OR8G5: variants seen among roughly 807,000 people sequenced by gnomAD.
OR8G5 encodes olfactory receptor 8G5.
For synonymous variants in OR8G5, 147 were observed against 147.7 expected (o/e 1.00, Z 0.03); for missense variants, 347 against 371.9 (o/e 0.93, Z 0.55).
At chr11:124,258,639 G>A (rs1350374919) in intron 1 of OR8G5, among the ~76,000 whole-genome samples, 1 of 151,978 alleles carries the variant, frequency 6.6e-6, no homozygotes, top group Admixed American at 6.6e-5. Context: ...TAATATGATA[G>A]GCATAGAATA....
rs950026073 is a variant in OR8G5, at chr11:124,265,814, A to G, written c.883A>G (p.Lys295Glu). 3.1e-6 allele frequency: 5 copies of G among 1,613,942 alleles called. No individual in the cohort carries two copies. Among genetic ancestry groups the G allele is most frequent in the Non-Finnish European group, 4.2e-6 (5 of 1,179,914 alleles). Reference protein sequence around the residue: ...LNPLIYSLRNKDVHVALKKTL... With the variant: ...LNPLIYSLRNEDVHVALKKTL... ...CCCCCTGATCTACAGCCTGAGGAAT[A>G]AAGATGTCCACGTTGCCCTGAAGAA... Residue 295 changes from lysine (K) to glutamate (E), a missense_variant, in exon 2 of 2, where the codon AAA becomes GAA. By Grantham distance (56) the Lys-to-Glu change is moderately conservative. Coordinates refer to ENST00000641992, the MANE Select transcript of OR8G5 (RefSeq NM_001005198.2).
At chr11:124,264,496 A>G (rs1211459092) in intron 1 of OR8G5, among the ~76,000 whole-genome samples, 1 of 152,230 alleles carries the variant, frequency 6.6e-6, no homozygotes, top group African/African-American at 2.4e-5. Flanking sequence ...TCTGACAATA[A>G]TAAGATTTCT....
Position 124,266,040 on chromosome 11 carries a change from T to C in OR8G5, c.*173T>C. 2 of 803,432 alleles carry C rather than the reference T, an allele frequency of 2.5e-6. No homozygotes were observed. Among genetic ancestry groups the C allele is most frequent in the East Asian group, 2.8e-5 (1 of 36,036 alleles). 49.8% of individuals were successfully genotyped at this position (803,432 alleles called of 1,614,324 possible). A position where few individuals can be genotyped will look rare whatever the true frequency, so the allele number is the denominator to read the frequency against. On this transcript the variant is annotated 3_prime_UTR_variant, in exon 2 of 2. Coordinates refer to ENST00000641992, the MANE Select transcript of OR8G5 (RefSeq NM_001005198.2). ...ATTTCATGCCATTTCCCTCTCATTT[T>C]TTCTCTCATAAGGATTACGAAGACA...
chr11:124,256,797 G>T (rs2512192), intron 1 of OR8G5, among the ~76,000 whole-genome samples, 163 bp downstream of exon 1: 17,314 of 152,162 alleles, frequency 0.11, 1,181 homozygotes, highest in Middle Eastern at 0.16. Flanking sequence ...CCAGATATGG[G>T]CTAATACTGG....
chr11:124,263,954 C>T (rs1862001586), intron 1 of OR8G5, among the ~76,000 whole-genome samples: 1 of 152,210 alleles, frequency 6.6e-6, no homozygotes, highest in Admixed American at 6.5e-5. Context: ...CTACTTTTTA[C>T]TCCCTTCTAA....
In OR8G5 at chr11:124,265,968, C is replaced by G; in HGVS notation, c.*101C>G. The G allele has an allele frequency of 7.2e-7, 1 of 1,393,632 alleles. No individual in the cohort carries two copies. Among genetic ancestry groups the G allele is most frequent in the Non-Finnish European group, 9.5e-7 (1 of 1,048,858 alleles). The allele number at this position is 1,393,632 out of a possible 1,614,324, so 86.3% of individuals were successfully genotyped here. A position where few individuals can be genotyped will look rare whatever the true frequency, so the allele number is the denominator to read the frequency against. On this transcript the variant is annotated 3_prime_UTR_variant, in exon 2 of 2. Transcript: ENST00000641992. ...TTTAGTGCATCTGTCAACATTCTTT[C>G]TAATTTGGGGGGATTTTACTGACGT...
chr11:124,262,516 A>AC (rs1565319570), intron 1 of OR8G5, among the ~76,000 whole-genome samples: 7 of 152,010 alleles, frequency 4.6e-5, no homozygotes, highest in African/African-American at 1.7e-4. Flanking sequence ...GTAGGTCTAG[A>AC]GAGCTACACT....
chr11:124,264,149 A>G (rs888598382), intron 1 of OR8G5, among the ~76,000 whole-genome samples: 1 of 152,000 alleles, frequency 6.6e-6, no homozygotes, highest in Non-Finnish European at 1.5e-5. Flanking sequence ...TAATAGGTTA[A>G]TAATGTTCTC....
intron 1 of OR8G5, chr11:124,264,687 A>G (rs1258114181): frequency 1.8e-6 from 1 of 551,072 alleles, no homozygotes; most frequent in Non-Finnish European, 3.2e-6. Context: ...TATTCAAAAT[A>G]CAAAATAGAC....
At chr11:124,262,058 CTA>C (rs773763321) in intron 1 of OR8G5, among the ~76,000 whole-genome samples, 9 of 151,328 alleles carry the variant, frequency 5.9e-5, no homozygotes, top group Non-Finnish European at 1.3e-4. Flanking sequence ...TTACAAAAGA[CTA>C]TAAATGGAAG....
Position 124,265,501 on chromosome 11 carries a change from T to C in OR8G5, c.570T>C (p.Ser190=), listed in dbSNP as rs1862019456. 4 of 1,613,922 alleles carry C rather than the reference T, an allele frequency of 2.5e-6. No homozygotes were observed. The highest frequency in any genetic ancestry group is 1.3e-5 in the African/African-American group (1 of 74,952). ...TTTCTATCTTGAAGCTCTCCTGTTCTAGTACTTACATTAATGAGTTACTGA... is the reference window on the plus strand; with the variant it reads ...TTTCTATCTTGAAGCTCTCCTGTTCCAGTACTTACATTAATGAGTTACTGA... The part of the protein sequence containing the change: ...DLISILKLSC[S]STYINELLIL... Residue 190 remains serine, a synonymous_variant, in exon 2 of 2, where the codon TCT becomes TCC. Transcript: ENST00000641992.
chr11:124,265,008 C>A lies in OR8G5; in HGVS notation c.77C>A (p.Pro26His), dbSNP rs1471961918. The change falls in exon 2 of 2, where the codon CCC becomes CAC. Residue 26 changes from proline (P) to histidine (H), a missense_variant. Transcript: ENST00000641992. Reference sequence around the variant, plus strand: ...ACAGAGAAGTCAGAGCTACAGCTGCCCCTCTTCCTCGTCTTCCTGGGAATC... The same window carrying A: ...ACAGAGAAGTCAGAGCTACAGCTGCACCTCTTCCTCGTCTTCCTGGGAATC... ...GLTEKSELQL[P>H]LFLVFLGIYV... The A allele has an allele frequency of 1.2e-6, 2 of 1,613,952 alleles. No individual in the cohort carries two copies. The highest frequency in any genetic ancestry group is 1.7e-6 in the Non-Finnish European group (2 of 1,179,894).
Position 124,265,940 on chromosome 11 carries a change from C to G in OR8G5, c.*73C>G, listed in dbSNP as rs902962730. ...TGATATTGTATGAAATGATGTCTTT[C>G]ACTTTAGTGCATCTGTCAACATTCT... On this transcript the variant is annotated 3_prime_UTR_variant, in exon 2 of 2. Transcript: ENST00000641992. 4.8e-6 allele frequency: 7 copies of G among 1,453,804 alleles called. No individual in the cohort carries two copies. The East Asian group carries it at 1.7e-4, about 36-fold the overall frequency. The allele number at this position is 1,453,804 out of a possible 1,614,324, so 90.1% of individuals were successfully genotyped here. A position where few individuals can be genotyped will look rare whatever the true frequency, so the allele number is the denominator to read the frequency against.
At chr11:124,257,477 C>T (rs2466681) in intron 1 of OR8G5, among the ~76,000 whole-genome samples, 74,253 of 151,770 alleles carry the variant, frequency 0.49, 18,784 homozygotes, top group East Asian at 0.58. Flanking sequence ...GATGTGTGGA[C>T]GCAAGAGGTA....
intron 1 of OR8G5, among the ~76,000 whole-genome samples, 152 bp downstream of exon 1, chr11:124,256,786 G>T (rs1249834095): frequency 2.0e-5 from 3 of 152,158 alleles, no homozygotes; most frequent in Non-Finnish European, 1.5e-5. Flanking sequence ...TCAGTGATTT[G>T]CCAGATATGG....
chr11:124,256,612 C>G lies in OR8G5; in HGVS notation c.-37C>G, dbSNP rs151256672. On this transcript the variant is annotated 5_prime_UTR_variant, in exon 1 of 2. Coordinates refer to ENST00000641992, the MANE Select transcript of OR8G5 (RefSeq NM_001005198.2). ...AGCAAGTTGCAAATAAAATTTGGAACTGAGGTTTCAGGCAAAAGAAAGGTG... is the reference window on the plus strand; with the variant it reads ...AGCAAGTTGCAAATAAAATTTGGAAGTGAGGTTTCAGGCAAAAGAAAGGTG... 13 of 152,296 alleles carry G rather than the reference C, an allele frequency of 8.5e-5. No individual in the cohort carries two copies. The East Asian group carries it at 2.3e-3, about 27-fold the overall frequency. 9.4% of individuals were successfully genotyped at this position (152,296 alleles called of 1,614,324 possible).
At position 124,264,954 on chromosome 11, in the gene OR8G5, T is replaced by C; in HGVS notation, c.23T>C (p.Phe8Ser). Residue 8 changes from phenylalanine to serine, a missense_variant, in exon 2 of 2, where the codon TTT becomes TCT. Phe to Ser is a radical substitution (Grantham distance 155). Transcript: ENST00000641992. Reference protein sequence around the residue: MAAENHSFVTKFILVGLT... With the variant: MAAENHSSVTKFILVGLT... ...AGAATGGCAGCAGAAAACCATTCTT[T>C]TGTGACTAAGTTTATTCTGGTTGGG... 1 of 1,613,944 alleles carries C rather than the reference T, an allele frequency of 6.2e-7. No homozygotes were observed. Among genetic ancestry groups the C allele is most frequent in the African/African-American group, 1.3e-5 (1 of 75,030 alleles).
intron 1 of OR8G5, among the ~76,000 whole-genome samples, chr11:124,257,091 A>C (rs920089491): frequency 1.3e-5 from 2 of 152,240 alleles, no homozygotes; most frequent in Non-Finnish European, 2.9e-5. Flanking sequence ...AATTCCAGGA[A>C]CTGAATGAAG....
At chr11:124,260,314 A>G (rs1861957222) in intron 1 of OR8G5, among the ~76,000 whole-genome samples, 1 of 152,060 alleles carries the variant, frequency 6.6e-6, no homozygotes, top group Non-Finnish European at 1.5e-5. Context: ...GAAGTAGTTC[A>G]TGAATGGAAA....
Sources: allele counts gnomAD v4.1 joint callset (sites outside exome capture counted in the v4.1 genomes callset), GRCh38; gene constraint gnomAD v4.1.1; transcripts MANE v1.5; gene names NCBI Gene and HGNC (gene_info 2026-07-23, HGNC 2026-07-21).